The following WWOX variants were observed in gnomAD, a reference collection of about 807,000 sequenced individuals.
WWOX encodes WW domain containing oxidoreductase, also known as WW domain-containing oxidoreductase.
Under a neutral mutation model 46.2 loss-of-function variants are expected in WWOX, and 69 were observed. That is an observed-to-expected ratio of 1.49 (90% CI 1.23 to 1.82). The LOEUF (loss-of-function observed/expected upper bound fraction) is 1.82, where lower values mean the gene tolerates loss of function less well. Among genes scored for constraint, WWOX ranks in the 40% most tolerant of loss-of-function variants. The probability of loss-of-function intolerance (pLI) is 0.00; values close to 1 mark genes in which losing one functional copy is unlikely to be tolerated. For synonymous variants in WWOX, 359 were observed against 202.6 expected (o/e 1.77, Z -6.56); for missense variants, 919 against 542.6 (o/e 1.69, Z -6.89).
At chr16:78,406,310 ATATATATATATATATATATATATAT>A (rs2082535928) in intron 6 of WWOX, among the ~76,000 whole-genome samples, 15 of 33,454 alleles carry the variant, frequency 4.5e-4, no homozygotes, top group Admixed American at 3.1e-3. Flanking sequence ...ATAAATATAT[ATATATATATATATATATATATATAT>A]ATATATATAT....
intron 8 of WWOX, among the ~76,000 whole-genome samples, chr16:78,539,210 T>A (rs1247880215): frequency 2.0e-5 from 3 of 152,360 alleles, no homozygotes; most frequent in Middle Eastern, 3.4e-3. Flanking sequence ...AATAAATATG[T>A]GTTCAACTGA....
At chr16:78,565,855 C>T (rs1268440036) in intron 8 of WWOX, among the ~76,000 whole-genome samples, 1 of 151,820 alleles carries the variant, frequency 6.6e-6, no homozygotes, top group African/African-American at 2.4e-5. Context: ...CCAGCTCCAT[C>T]TCTCAGGACT....
intron 8 of WWOX, among the ~76,000 whole-genome samples, chr16:78,521,185 C>G (rs1276866959): frequency 1.3e-5 from 2 of 152,132 alleles, no homozygotes; most frequent in Non-Finnish European, 2.9e-5. Context: ...CCTCAAAAGT[C>G]ATTTTATCTT....
intron 7 of WWOX, among the ~76,000 whole-genome samples, chr16:78,431,395 GACA>G (rs754588360): frequency 5.9e-5 from 9 of 152,246 alleles, no homozygotes; most frequent in Admixed American, 1.3e-4. Context: ...GAGTCTTGGA[GACA>G]ACAAGACTCA....
chr16:78,707,421 C>G (rs2048348614), intron 8 of WWOX, among the ~76,000 whole-genome samples: 1 of 152,196 alleles, frequency 6.6e-6, no homozygotes, highest in Non-Finnish European at 1.5e-5. Context: ...TTTTTATGCA[C>G]AAGCATCAGA....
intron 5 of WWOX, among the ~76,000 whole-genome samples, chr16:78,197,039 A>G (rs571799058): frequency 2.8e-4 from 42 of 152,344 alleles, no homozygotes; most frequent in African/African-American, 1.0e-3. Context: ...TGCATTGCAA[A>G]TAATAGCAGT....
In WWOX at chr16:78,348,983, G is replaced by A. The variant is rs2081140768; in HGVS notation, c.517-37877G>A. ...GAGGGCCACATTGCAGATAGAGGCC[G>A]GTGTACTGGTCTGCTCAGGCTGCCA... On this transcript the variant is annotated intron_variant, in intron 5 of 8. Transcript: ENST00000566780. Among the ~76,000 whole-genome samples the A allele has an allele frequency of 2.5e-5, 3 of 120,138 alleles. 1 individual carries two copies. In the South Asian group the frequency reaches 7.5e-4, roughly 30 times the overall value. 78.8% of individuals were successfully genotyped at this position (120,138 alleles called of 152,430 possible). A position where few individuals can be genotyped will look rare whatever the true frequency, so the allele number is the denominator to read the frequency against.
intron 5 of WWOX, among the ~76,000 whole-genome samples, chr16:78,299,683 A>G (rs532224470): frequency 2.8e-4 from 42 of 151,810 alleles, no homozygotes; most frequent in Admixed American, 7.2e-4. Flanking sequence ...TTGTGCCACC[A>G]TGCCCGCCTA....
intron 8 of WWOX, among the ~76,000 whole-genome samples, chr16:79,160,465 G>C (rs928687259): frequency 3.3e-5 from 5 of 151,974 alleles, no homozygotes; most frequent in African/African-American, 1.2e-4. Flanking sequence ...ATGAACCCTC[G>C]ATATTAATAT....
At chr16:78,992,369 A>C (rs929719705) in intron 8 of WWOX, among the ~76,000 whole-genome samples, 4 of 152,116 alleles carry the variant, frequency 2.6e-5, no homozygotes, top group African/African-American at 9.7e-5. Context: ...CTGGAGGCTG[A>C]GGCAGGAGAA....
At chr16:78,633,070 C>T (rs2046476126) in intron 8 of WWOX, among the ~76,000 whole-genome samples, 1 of 152,070 alleles carries the variant, frequency 6.6e-6, no homozygotes, top group African/African-American at 2.4e-5. Context: ...TGAGAGCAAT[C>T]TGGCCAACAT....
intron 8 of WWOX, among the ~76,000 whole-genome samples, chr16:78,681,794 T>G (rs1355107078): frequency 6.6e-6 from 1 of 152,214 alleles, no homozygotes; most frequent in African/African-American, 2.4e-5. Flanking sequence ...CTATTTGGCC[T>G]TGGAAAGTTA....
At chr16:78,973,735 A>G (rs35073078) in intron 8 of WWOX, among the ~76,000 whole-genome samples, 34,548 of 152,078 alleles carry the variant, frequency 0.23, 4,414 homozygotes, top group South Asian at 0.31. Context: ...TCCCAGAGAA[A>G]AAGTAAATGA....
At chr16:79,114,581 G>A (rs981275988) in intron 8 of WWOX, among the ~76,000 whole-genome samples, 1 of 151,982 alleles carries the variant, frequency 6.6e-6, no homozygotes, top group African/African-American at 2.4e-5. Context: ...CTGCCCTAGA[G>A]CCTTCGGAGG....
chr16:78,816,581 T>C (rs2142728958), intron 8 of WWOX, among the ~76,000 whole-genome samples: 1 of 150,866 alleles, frequency 6.6e-6, no homozygotes, highest in South Asian at 2.1e-4. Context: ...GCCGTTTGTC[T>C]TTAAAAATTT....
chr16:78,591,297 C>T (rs2151602670), intron 8 of WWOX, among the ~76,000 whole-genome samples: 1 of 152,298 alleles, frequency 6.6e-6, no homozygotes, highest in East Asian at 1.9e-4. Flanking sequence ...CTTAGGCTGA[C>T]ATCTCCTTGA....
At chr16:78,716,619 C>T (rs944491339) in intron 8 of WWOX, among the ~76,000 whole-genome samples, 2 of 152,070 alleles carry the variant, frequency 1.3e-5, no homozygotes, top group African/African-American at 2.4e-5. Flanking sequence ...TAACCCTCAT[C>T]TCTATAGGTT....
chr16:78,212,333 G>A (rs1314689163), intron 5 of WWOX, among the ~76,000 whole-genome samples: 3 of 152,200 alleles, frequency 2.0e-5, no homozygotes, highest in African/African-American at 7.2e-5. Flanking sequence ...TTGCATTGGC[G>A]AAAGCAAGTC....
At chr16:78,847,568 A>C (rs1341596509) in intron 8 of WWOX, among the ~76,000 whole-genome samples, 1 of 152,028 alleles carries the variant, frequency 6.6e-6, no homozygotes, top group Non-Finnish European at 1.5e-5. Flanking sequence ...TCCTGGGCTC[A>C]AGCGATTCTC....
Sources: allele counts gnomAD v4.1 joint callset (sites outside exome capture counted in the v4.1 genomes callset), GRCh38; gene constraint gnomAD v4.1.1; transcripts MANE v1.5; gene names NCBI Gene and HGNC (gene_info 2026-07-23, HGNC 2026-07-21).